Variants in ARHGEF11 observed in about 807,000 individuals in gnomAD.
ARHGEF11 encodes Rho guanine nucleotide exchange factor 11.
Under a neutral mutation model 193.7 loss-of-function variants are expected in ARHGEF11, and 55 were observed. The ratio of observed to expected loss-of-function variants is 0.28; its 90% CI spans 0.23 to 0.36. The LOEUF is 0.36. Among genes scored for constraint, ARHGEF11 ranks in the 10% least tolerant of loss-of-function variants. The probability of loss-of-function intolerance (pLI) is 1.00; values close to 1 mark genes in which losing one functional copy is unlikely to be tolerated. For missense variants in ARHGEF11, 1,723 were observed against 2,005.6 expected, an observed-to-expected ratio of 0.86 and a Z score of 2.69; for synonymous variants, 693 against 768.0, an observed-to-expected ratio of 0.90 and a Z score of 1.62.
intron 11 of ARHGEF11, among the ~76,000 whole-genome samples, chr1:156,966,801 C>T (rs892486366): frequency 6.6e-6 from 1 of 152,216 alleles, no homozygotes; most frequent in South Asian, 2.1e-4. Context: ...TTAATTAAAG[C>T]CTTTGACAAG....
At chr1:156,936,738 T>TGCTTA (rs1655446017) in intron 40 of ARHGEF11, 78 bp downstream of exon 40, 4 of 1,468,434 alleles carry the variant, frequency 2.7e-6, no homozygotes, top group Middle Eastern at 2.3e-4. Flanking sequence ...CATCTCTCAC[T>TGCTTA]GCTTAGTGAT....
intron 1 of ARHGEF11, among the ~76,000 whole-genome samples, chr1:156,992,189 C>G (rs1412722218): frequency 6.6e-6 from 1 of 152,114 alleles, no homozygotes; most frequent in East Asian, 1.9e-4. Context: ...TAAATAAATA[C>G]CTATACATAT....
At position 156,969,240 on chromosome 1, in the gene ARHGEF11, C is replaced by T. The variant is rs376432157; in HGVS notation, c.825+42G>A. The T allele has an allele frequency of 3.6e-5, 55 of 1,537,136 alleles. No homozygotes were observed. The East Asian group carries it at 7.2e-4, about 20-fold the overall frequency. On this transcript the variant is annotated intron_variant, in intron 10 of 40. Coordinates refer to ENST00000368194, the MANE Select transcript of ARHGEF11 (RefSeq NM_198236.3). ...GAACTTGGGTCAAGGGAAGGGACCC[C>T]GAATGCACGTTCTGAATGGGCCTTG...
intron 35 of ARHGEF11, 103 bp downstream of exon 35, chr1:156,941,269 C>A: frequency 9.4e-7 from 1 of 1,065,182 alleles, no homozygotes; most frequent in South Asian, 1.3e-5. Flanking sequence ...ACCTCACACC[C>A]CGGGCCCTGA....
At chr1:156,957,989 A>G (rs1660218506) in intron 17 of ARHGEF11, among the ~76,000 whole-genome samples, 174 bp from the exon 18 acceptor site, 1 of 152,180 alleles carries the variant, frequency 6.6e-6, no homozygotes, top group East Asian at 1.9e-4. Flanking sequence ...CTCCATAAAT[A>G]TTTGCCGAGT....
Position 156,955,819 on chromosome 1 carries a change from T to C in ARHGEF11, c.1672-20A>G, listed in dbSNP as rs568646348. On this transcript the variant is annotated intron_variant, in intron 19 of 40. Coordinates refer to ENST00000368194, the MANE Select transcript of ARHGEF11 (RefSeq NM_198236.3). Reference sequence around the variant, plus strand: ...GCTGCTCTGCTGAGACAGGAGACACTGGTGTTTGCAGGAGGTCCTGATACC... The same window carrying C: ...GCTGCTCTGCTGAGACAGGAGACACCGGTGTTTGCAGGAGGTCCTGATACC... The C allele has an allele frequency of 6.2e-6, 10 of 1,601,072 alleles. No individual in the cohort carries two copies. Among genetic ancestry groups the C allele is most frequent in the South Asian group, 4.4e-5 (4 of 90,780 alleles).
Position 156,961,659 on chromosome 1 carries a change from A to G in ARHGEF11, c.1239+18T>C. The G allele has an allele frequency of 6.2e-7, 1 of 1,607,366 alleles. No individual in the cohort carries two copies. Among genetic ancestry groups the G allele is most frequent in the Non-Finnish European group, 8.5e-7 (1 of 1,173,870 alleles). ...AAAGAATATGATAAAATTATAATCCAATCTATGACTGCCTTACCGCATTTT... is the reference window on the plus strand; with the variant it reads ...AAAGAATATGATAAAATTATAATCCGATCTATGACTGCCTTACCGCATTTT... On this transcript the variant is annotated intron_variant, in intron 14 of 40. Transcript: ENST00000368194.
At chr1:157,024,838 T>A (rs1043745971) in intron 1 of ARHGEF11, among the ~76,000 whole-genome samples, 1 of 152,200 alleles carries the variant, frequency 6.6e-6, no homozygotes, top group African/African-American at 2.4e-5. Flanking sequence ...GCCCATCATC[T>A]CTTGACTAGA....
rs150638858 is a variant in ARHGEF11 at position 156,974,496 on chromosome 1, T to A, written c.582+2487A>T. Among the ~76,000 whole-genome samples, 386 of 152,344 alleles carry A rather than the reference T, an allele frequency of 2.5e-3. 1 individual carries two copies. Among genetic ancestry groups the A allele is most frequent in the African/African-American group, 8.6e-3 (357 of 41,582 alleles). ...GACTTTAAGAGCATTAAAATTTTTTTAAATTGCTATAGAGCTGTAATTCAT... is the reference window on the plus strand; with the variant it reads ...GACTTTAAGAGCATTAAAATTTTTTAAAATTGCTATAGAGCTGTAATTCAT... On this transcript the variant is annotated intron_variant, in intron 7 of 40. Coordinates refer to ENST00000368194, the MANE Select transcript of ARHGEF11 (RefSeq NM_198236.3).
At chr1:156,987,694 A>G (rs866147612) in intron 1 of ARHGEF11, among the ~76,000 whole-genome samples, 10 of 152,276 alleles carry the variant, frequency 6.6e-5, no homozygotes, top group Middle Eastern at 3.4e-3. Context: ...CCCCCTCACA[A>G]TGGCACCCCT....
chr1:156,936,191 TC>T, intron 40 of ARHGEF11, 133 bp from the exon 41 acceptor site: 1 of 966,470 alleles, frequency 1.0e-6, no homozygotes, highest in Non-Finnish European at 1.7e-6. Context: ...CCCCAGTTTC[TC>T]GTAGGGCTTG....
chr1:157,002,924 C>T (rs1266856177), intron 1 of ARHGEF11, among the ~76,000 whole-genome samples: 1 of 152,140 alleles, frequency 6.6e-6, no homozygotes, highest in Non-Finnish European at 1.5e-5. Flanking sequence ...ACTACTCATC[C>T]ATAAAATGGG....
chr1:157,006,772 C>T (rs1044033994), intron 1 of ARHGEF11, among the ~76,000 whole-genome samples: 3 of 152,270 alleles, frequency 2.0e-5, no homozygotes, highest in African/African-American at 7.2e-5. Context: ...GAACCTTTAA[C>T]GATTTGACTG....
rs1557875836 is a variant in ARHGEF11 at position 156,968,045 on chromosome 1, A to T, written c.905T>A (p.Val302Glu). The change falls in exon 11 of 41, where the codon GTG (valine) becomes GAG (glutamate). Residue 302 changes from valine (V) to glutamate (E), a missense_variant. This residue lies in a region of ARHGEF11 where 646 missense variants were observed against 710.7 expected (regional missense o/e 0.91). Coordinates refer to ENST00000368194, the MANE Select transcript of ARHGEF11 (RefSeq NM_198236.3). ...PRTSPVIMAR[V>E]AQHHRRQGSD... is the part of the protein sequence containing the mutation. The stretch of plus-strand genomic sequence containing the variant: ...GCCCTGCCGCCTGTGGTGCTGGGCC[A>T]CCCTGGCCATGATCACAGGGGAGGT... 3.7e-6 allele frequency: 6 copies of T among 1,614,182 alleles called. No individual in the cohort carries two copies. Among genetic ancestry groups the T allele is most frequent in the Non-Finnish European group, 5.1e-6 (6 of 1,180,016 alleles).
chr1:156,989,003 G>A (rs1296284707), intron 1 of ARHGEF11, among the ~76,000 whole-genome samples: 1 of 151,992 alleles, frequency 6.6e-6, no homozygotes, highest in African/African-American at 2.4e-5. Context: ...AGAGAGGAGG[G>A]TAGTTTGGCC....
At chr1:156,989,187 G>A (rs941109827) in intron 1 of ARHGEF11, among the ~76,000 whole-genome samples, 15 of 151,892 alleles carry the variant, frequency 9.9e-5, no homozygotes, top group Non-Finnish European at 2.1e-4. Flanking sequence ...TACTCTAAAT[G>A]GCACCACTGA....
chr1:156,971,615 C>A, intron 8 of ARHGEF11, 82 bp downstream of exon 8: 1 of 1,514,460 alleles, frequency 6.6e-7, no homozygotes, highest in Non-Finnish European at 8.9e-7. Flanking sequence ...ACCCAAGAAG[C>A]CTTCTGTCCT....
At position 156,958,808 on chromosome 1, in the gene ARHGEF11, A is replaced by G. The variant is rs986088909; in HGVS notation, c.1436T>C (p.Leu479Pro). The G allele has an allele frequency of 6.2e-7, 1 of 1,614,234 alleles. No homozygotes were observed. Reference protein sequence around the residue: ...SLYGENDLLDLDGDPLRERQV... With the variant: ...SLYGENDLLDPDGDPLRERQV... Reference sequence around the variant, plus strand: ...GCGCTCTCGGAGAGGGTCCCCATCCAGGTCCAGCAGGTCATTTTCACCATA... The same window carrying G: ...GCGCTCTCGGAGAGGGTCCCCATCCGGGTCCAGCAGGTCATTTTCACCATA... The change falls in exon 17 of 41, where the codon CTG (leucine) becomes CCG (proline). Residue 479 changes from leucine to proline, a missense_variant. Coordinates refer to ENST00000368194, the MANE Select transcript of ARHGEF11 (RefSeq NM_198236.3).
Position 156,940,219 on chromosome 1 carries a change from C to A in ARHGEF11, c.3721G>T (p.Ala1241Ser), listed in dbSNP as rs548296599. Residue 1241 changes from alanine to serine, a missense_variant, in exon 36 of 41, where the codon GCT becomes TCT. Ala to Ser is a moderately conservative substitution (Grantham distance 99, BLOSUM62 1). This residue lies in a region of ARHGEF11 where 203 missense variants were observed against 237.3 expected (regional missense o/e 0.86). Transcript: ENST00000368194. Reference sequence around the variant, plus strand: ...TTGAAGCACTCACCATCTTCCAGAGCGGAGTCAGCGAGCCCTTCCATGAAC... The same window carrying A: ...TTGAAGCACTCACCATCTTCCAGAGAGGAGTCAGCGAGCCCTTCCATGAAC... ...PLFMEGLADS[A>S]LEDVENLRHL... The A allele has an allele frequency of 1.3e-6, 2 of 1,584,584 alleles. No individual in the cohort carries two copies. The highest frequency in any genetic ancestry group is 1.7e-6 in the Non-Finnish European group (2 of 1,162,258).
Sources: gnomAD v4.1 joint callset for allele counts (sites outside exome capture counted in the v4.1 genomes callset) on GRCh38, gnomAD v4.1.1 for gene constraint, gnomAD v4.1.1 regional missense constraint, MANE v1.5 for transcripts, NCBI Gene and HGNC (gene_info 2026-07-23, HGNC 2026-07-21) for gene names.